Variants in PNO1 observed in about 807,000 individuals in gnomAD.
The protein encoded by PNO1 is partner of NOB1 homolog, also known as RNA-binding protein PNO1.
Under a neutral mutation model 28.4 loss-of-function variants are expected in PNO1, and 16 were observed. The observed-to-expected ratio is 0.56, with a 90% CI of 0.38 to 0.85. The LOEUF (loss-of-function observed/expected upper bound fraction) is 0.85, where lower values mean the gene tolerates loss of function less well. Among genes scored for constraint, PNO1 ranks in the 40% least tolerant of loss-of-function variants. The pLI is 0.00. For synonymous variants in PNO1, 115 were observed against 110.8 expected, an observed-to-expected ratio of 1.04 and a Z score of -0.24; for missense variants, 304 against 312.2, an observed-to-expected ratio of 0.97 and a Z score of 0.20.
chr2:68,157,908 G>A lies in PNO1; in HGVS notation c.-27G>A, dbSNP rs769210829. ...GTGGTGCAGCTGCGCACGTGTTTCA[G>A]CCGGCAGCGCTTTAAGATTTCCGGG... On this transcript the variant is annotated 5_prime_UTR_variant, in exon 1 of 7. Transcript: ENST00000263657. The A allele has an allele frequency of 1.9e-6, 3 of 1,605,026 alleles. No homozygotes were observed. Among genetic ancestry groups the A allele is most frequent in the Non-Finnish European group, 2.6e-6 (3 of 1,172,674 alleles).
Position 68,174,966 on chromosome 2 carries a change from T to C in PNO1, c.*164T>C, listed in dbSNP as rs965626239. On this transcript the variant is annotated 3_prime_UTR_variant, in exon 7 of 7. Coordinates refer to ENST00000263657, the MANE Select transcript of PNO1 (RefSeq NM_020143.4). The stretch of plus-strand genomic sequence containing the variant: ...AACAGAAAAGAAAGATTTAAGAGGA[T>C]TCACACTCAACAGGTTTTAGGATAA... The C allele has an allele frequency of 7.7e-6, 4 of 517,766 alleles. No individual in the cohort carries two copies. 32.1% of individuals were successfully genotyped at this position (517,766 alleles called of 1,614,324 possible).
intron 5 of PNO1, 48 bp downstream of exon 5, chr2:68,162,711 C>A (rs748888495): frequency 2.5e-6 from 3 of 1,210,476 alleles, no homozygotes; most frequent in Non-Finnish European, 3.7e-6. Flanking sequence ...TATATTTGAT[C>A]TTTTGTTTTA....
At chr2:68,159,060 C>T (rs923868184) in intron 2 of PNO1, among the ~76,000 whole-genome samples, 1 of 152,092 alleles carries the variant, frequency 6.6e-6, no homozygotes, top group African/African-American at 2.4e-5. Context: ...GTCATTTCAT[C>T]TACTTGATCT....
At chr2:68,170,433 A>G (rs1674096692) in intron 5 of PNO1, among the ~76,000 whole-genome samples, 1 of 152,156 alleles carries the variant, frequency 6.6e-6, no homozygotes, top group Non-Finnish European at 1.5e-5. Flanking sequence ...AATCAAAGTT[A>G]AACATACACA....
chr2:68,158,237 T>C, intron 1 of PNO1, 96 bp downstream of exon 1: 1 of 1,407,672 alleles, frequency 7.1e-7, no homozygotes, highest in Non-Finnish European at 9.7e-7. Context: ...GGTGGGGCTG[T>C]TCTGCCGTGA....
chr2:68,175,659 AGTTTCTTGC>A lies in PNO1; in HGVS notation c.*858_*866del, dbSNP rs1674259417. 8.2e-5 allele frequency: 1 copy of A among 12,136 alleles called. No homozygotes were observed. The highest frequency in any genetic ancestry group is 4.2e-3 in the African/African-American group (1 of 238). 0.8% of individuals were successfully genotyped at this position (12,136 alleles called of 1,614,324 possible). A position where few individuals can be genotyped will look rare whatever the true frequency, so the allele number is the denominator to read the frequency against. On this transcript the variant is annotated 3_prime_UTR_variant, in exon 7 of 7. Transcript: ENST00000263657. Reference sequence around the variant, plus strand: ...GAGCTCATCTTGGAACCTGTTTTGCAGTTTCTTGCAGTTTCAAAAATTAAAGACCTACAT... The same window carrying A: ...GAGCTCATCTTGGAACCTGTTTTGCAAGTTTCAAAAATTAAAGACCTACAT...
chr2:68,174,491 T>C (rs1390043148), intron 6 of PNO1, among the ~76,000 whole-genome samples: 1 of 152,036 alleles, frequency 6.6e-6, no homozygotes, highest in African/African-American at 2.4e-5. Flanking sequence ...TAAAACACAA[T>C]ACAGTACTAT....
chr2:68,170,582 C>A (rs1208692467), intron 5 of PNO1, among the ~76,000 whole-genome samples: 2 of 151,896 alleles, frequency 1.3e-5, no homozygotes, highest in Admixed American at 1.3e-4. Flanking sequence ...CCCGTCTCTA[C>A]TAAAAATACA....
chr2:68,173,461 G>C lies in PNO1; in HGVS notation c.691+44G>C, dbSNP rs1674185348. On this transcript the variant is annotated intron_variant, in intron 6 of 6. Transcript: ENST00000263657. ...TTTGGTGTTTTCTCTGGGAGGGATA[G>C]GAAGTTAATTGAGGAAGTCAAAACC... The C allele has an allele frequency of 8.3e-6, 10 of 1,202,562 alleles. No homozygotes were observed. The East Asian group carries it at 2.3e-4, about 28-fold the overall frequency. 74.5% of individuals were successfully genotyped at this position (1,202,562 alleles called of 1,614,324 possible). A position where few individuals can be genotyped will look rare whatever the true frequency, so the allele number is the denominator to read the frequency against.
At position 68,174,991 on chromosome 2, in the gene PNO1, A is replaced by G. The variant is rs535070439; in HGVS notation, c.*189A>G. ...TTCACACTCAACAGGTTTTAGGATA[A>G]TTTAAATATCAAAAATTGATTGTTA... On this transcript the variant is annotated 3_prime_UTR_variant, in exon 7 of 7. Coordinates refer to ENST00000263657, the MANE Select transcript of PNO1 (RefSeq NM_020143.4). 4.2e-4 allele frequency: 204 copies of G among 482,640 alleles called. 1 individual carries two copies. Among genetic ancestry groups the G allele is most frequent in the African/African-American group, 3.9e-3 (182 of 46,782 alleles). 29.9% of individuals were successfully genotyped at this position (482,640 alleles called of 1,614,324 possible).
intron 2 of PNO1, 95 bp downstream of exon 2, chr2:68,158,624 G>A (rs1359366855): frequency 7.1e-6 from 8 of 1,119,800 alleles, no homozygotes; most frequent in Non-Finnish European, 1.0e-5. Flanking sequence ...GGACTTTTCT[G>A]TTGTATGGTT....
At chr2:68,174,697 A>T (rs2103697497) in intron 6 of PNO1, 38 bp from the exon 7 acceptor site, 1 of 1,412,442 alleles carries the variant, frequency 7.1e-7, no homozygotes, top group East Asian at 2.3e-5. Context: ...TATAAATGTG[A>T]GTTTATTTGT....
intron 1 of PNO1, 30 bp from the exon 2 acceptor site, chr2:68,158,350 C>A (rs1673727541): frequency 1.3e-6 from 2 of 1,596,488 alleles, no homozygotes; most frequent in Non-Finnish European, 1.7e-6. Context: ...CCTCCATAGC[C>A]TTCTGAGTTG....
chr2:68,169,521 G>A (rs1420129029), intron 5 of PNO1, among the ~76,000 whole-genome samples: 1 of 152,174 alleles, frequency 6.6e-6, no homozygotes, highest in Non-Finnish European at 1.5e-5. Context: ...CACCACAAGA[G>A]CAATAGGTGG....
chr2:68,170,747 CAAAAA>C (rs767088135), intron 5 of PNO1, among the ~76,000 whole-genome samples: 1 of 61,098 alleles, frequency 1.6e-5, no homozygotes, highest in Non-Finnish European at 3.2e-5. Context: ...GACTCCGTCT[CAAAAA>C]AAAAAAAAAA....
chr2:68,161,246 G>A (rs936624003), intron 2 of PNO1: 1 of 471,192 alleles, frequency 2.1e-6, no homozygotes, highest in African/African-American at 2.0e-5. Context: ...GGAGCTGTTG[G>A]TTTAAGAAAC....
intron 5 of PNO1, among the ~76,000 whole-genome samples, chr2:68,172,249 G>A (rs1349623794): frequency 1.3e-5 from 2 of 152,150 alleles, no homozygotes; most frequent in African/African-American, 4.8e-5. Context: ...GGTGGTGGGT[G>A]ATGTGGCCTC....
At chr2:68,170,064 C>G (rs1274378778) in intron 5 of PNO1, among the ~76,000 whole-genome samples, 1 of 152,156 alleles carries the variant, frequency 6.6e-6, no homozygotes. Flanking sequence ...AAGAGATGTA[C>G]TATCTCTTGC....
In PNO1 at chr2:68,176,109, GCTT is replaced by G. The variant is rs1323258688; in HGVS notation, c.*1308_*1310del. On this transcript the variant is annotated 3_prime_UTR_variant, in exon 7 of 7. Transcript: ENST00000263657. ...AGTAAAGGTGAAATGATGAAAGAAT[GCTT>G]TTTTCCCACCCAAAAAACTATGCTC... 6.6e-6 allele frequency: 1 copy of G among 152,108 alleles called. No homozygotes were observed. Among genetic ancestry groups the G allele is most frequent in the African/African-American group, 2.4e-5 (1 of 41,420 alleles). The allele number at this position is 152,108 out of a possible 1,614,324, so 9.4% of individuals were successfully genotyped here. A position where few individuals can be genotyped will look rare whatever the true frequency, so the allele number is the denominator to read the frequency against.
Sources: gnomAD v4.1 joint callset for allele counts (sites outside exome capture counted in the v4.1 genomes callset) on GRCh38, gnomAD v4.1.1 for gene constraint, MANE v1.5 for transcripts, NCBI Gene and HGNC (gene_info 2026-07-23, HGNC 2026-07-21) for gene names.